NEK10: variants seen among roughly 807,000 people sequenced by gnomAD.
NEK10 encodes the protein NIMA related kinase 10.
NEK10 carries 122 observed loss-of-function variants against 159.8 expected under a neutral mutation model. The ratio of observed to expected loss-of-function variants is 0.76; its 90% CI spans 0.66 to 0.89. The LOEUF (loss-of-function observed/expected upper bound fraction) is 0.89, where lower values mean the gene tolerates loss of function less well. Ranked by LOEUF, NEK10 falls within the 40% of genes least tolerant of loss-of-function variation. NEK10 has a pLI of 0.00. For synonymous variants in NEK10, 466 were observed against 457.1 expected (o/e 1.02, Z -0.25); for missense variants, 1,342 against 1,323.1 (o/e 1.01, Z -0.22).
chr3:27,252,172 G>C (rs1290422511), intron 23 of NEK10: 1 of 491,960 alleles, frequency 2.0e-6, no homozygotes, highest in African/African-American at 1.9e-5. Flanking sequence ...GTGTGTAGTG[G>C]AGAGACACAC....
At chr3:27,209,973 G>A (rs1004819119) in intron 23 of NEK10, among the ~76,000 whole-genome samples, 2 of 114,914 alleles carry the variant, frequency 1.7e-5, no homozygotes, top group African/African-American at 3.4e-5. Flanking sequence ...ACTCCTATCC[G>A]AATCCAGGAA....
Position 27,170,782 on chromosome 3 carries a change from T to C in NEK10, c.2831+1037A>G, listed in dbSNP as rs145828021. On this transcript the variant is annotated intron_variant, in intron 29 of 35. Coordinates refer to ENST00000691995, the MANE Select transcript of NEK10 (RefSeq NM_001394966.1). The stretch of plus-strand genomic sequence containing the variant: ...AAGTATATTTCTTCCTTAATCTGCC[T>C]TTCCCTATTTCACTAGCTTAATTTT... 6.4e-3 allele frequency among the ~76,000 whole-genome samples: 975 copies of C among 152,242 alleles called. 11 individuals carry two copies. Among genetic ancestry groups the C allele is most frequent in the African/African-American group, 0.022 (931 of 41,528 alleles).
intron 32 of NEK10, among the ~76,000 whole-genome samples, chr3:27,124,693 G>T (rs951744395): frequency 6.6e-6 from 1 of 152,204 alleles, no homozygotes; most frequent in Non-Finnish European, 1.5e-5. Context: ...GAGGTTTAAA[G>T]AATTAGCTGA....
At chr3:27,267,849 G>A (rs1008484298) in intron 22 of NEK10, among the ~76,000 whole-genome samples, 1 of 152,200 alleles carries the variant, frequency 6.6e-6, no homozygotes, top group Non-Finnish European at 1.5e-5. Context: ...AGTGAGAAAG[G>A]CATGTCCAAA....
At chr3:27,125,042 T>G (rs952893879) in intron 32 of NEK10, among the ~76,000 whole-genome samples, 1 of 152,118 alleles carries the variant, frequency 6.6e-6, no homozygotes, top group East Asian at 1.9e-4. Context: ...CTGCTCTGAA[T>G]AGACACCTAC....
chr3:27,201,244 A>G (rs1373487319), intron 25 of NEK10, among the ~76,000 whole-genome samples: 1 of 152,174 alleles, frequency 6.6e-6, no homozygotes, highest in Non-Finnish European at 1.5e-5. Flanking sequence ...TTACCCACAT[A>G]TCATAATGTG....
intron 26 of NEK10, among the ~76,000 whole-genome samples, chr3:27,178,665 A>G (rs1247627237): frequency 2.0e-5 from 3 of 152,216 alleles, no homozygotes; most frequent in Non-Finnish European, 4.4e-5. Flanking sequence ...ACTGCATACT[A>G]TTGTAAATAA....
chr3:27,224,859 TC>T (rs1952463521), intron 23 of NEK10, among the ~76,000 whole-genome samples: 2 of 152,170 alleles, frequency 1.3e-5, no homozygotes, highest in Non-Finnish European at 2.9e-5. Context: ...TTAGACAATA[TC>T]TGAAAAGCAC....
At chr3:27,193,593 A>G (rs1320416375) in intron 25 of NEK10, among the ~76,000 whole-genome samples, 2 of 109,966 alleles carry the variant, frequency 1.8e-5, no homozygotes, top group Non-Finnish European at 3.7e-5. Context: ...TTTATTCCAT[A>G]TGCTTGATTT....
At chr3:27,158,776 A>T (rs991307390) in intron 30 of NEK10, among the ~76,000 whole-genome samples, 1 of 152,180 alleles carries the variant, frequency 6.6e-6, no homozygotes, top group South Asian at 2.1e-4. Context: ...TTTAGGTTTG[A>T]CTTACACACC....
At position 27,117,950 on chromosome 3, in the gene NEK10, G is replaced by A. The variant is rs1940723221; in HGVS notation, c.3190+1810C>T. Among the ~76,000 whole-genome samples, 3 of 152,160 alleles carry A rather than the reference G, an allele frequency of 2.0e-5. No homozygotes were observed. The South Asian group carries it at 6.2e-4, about 32-fold the overall frequency. On this transcript the variant is annotated intron_variant, in intron 33 of 35. Transcript: ENST00000691995. ...TTCTTCTAGGGTTTTTATAATTTTG[G>A]GTTTTACATTTAAGTCTTTAATCCA...
At chr3:27,360,170 A>G (rs1009760353) in intron 1 of NEK10, among the ~76,000 whole-genome samples, 5 of 152,184 alleles carry the variant, frequency 3.3e-5, no homozygotes, top group African/African-American at 1.2e-4. Flanking sequence ...TTGTTCTTCA[A>G]TGGGAACTAT....
At chr3:27,165,719 C>G (rs1204643219) in intron 29 of NEK10, among the ~76,000 whole-genome samples, 1 of 152,134 alleles carries the variant, frequency 6.6e-6, no homozygotes, top group Admixed American at 6.5e-5. Context: ...AACTGAAGTG[C>G]TGAAAATGAG....
chr3:27,340,147 C>T (rs2047099460), intron 5 of NEK10, among the ~76,000 whole-genome samples: 1 of 152,144 alleles, frequency 6.6e-6, no homozygotes, highest in Admixed American at 6.5e-5. Flanking sequence ...GAAGATGTGG[C>T]ACATATACAC....
intron 10 of NEK10, among the ~76,000 whole-genome samples, chr3:27,308,525 G>A (rs2044422047): frequency 6.6e-6 from 1 of 152,138 alleles, no homozygotes; most frequent in African/African-American, 2.4e-5. Context: ...ACATTTATAA[G>A]AGGAAAGATC....
At chr3:27,260,565 G>A (rs2040317611) in intron 22 of NEK10, among the ~76,000 whole-genome samples, 3 of 152,220 alleles carry the variant, frequency 2.0e-5, no homozygotes, top group Non-Finnish European at 4.4e-5. Flanking sequence ...TCCCAGGGAT[G>A]AAGCCCACTT....
intron 5 of NEK10, among the ~76,000 whole-genome samples, chr3:27,333,416 G>A (rs2046567750): frequency 6.6e-6 from 1 of 151,950 alleles, no homozygotes; most frequent in South Asian, 2.1e-4. Context: ...TGTGGTGGCA[G>A]GCACCTGTAA....
intron 30 of NEK10, among the ~76,000 whole-genome samples, chr3:27,155,665 T>A (rs1369725754): frequency 7.9e-5 from 12 of 151,846 alleles, no homozygotes; most frequent in African/African-American, 2.2e-4. Flanking sequence ...TGGAAACACA[T>A]CCCATGCTCA....
intron 1 of NEK10, among the ~76,000 whole-genome samples, chr3:27,353,574 A>G (rs1460298301): frequency 2.6e-5 from 4 of 152,166 alleles, no homozygotes; most frequent in Admixed American, 6.6e-5. Flanking sequence ...GATTTTCCCA[A>G]TATATTTGTC....
Sources: allele counts gnomAD v4.1 joint callset (sites outside exome capture counted in the v4.1 genomes callset), GRCh38; gene constraint gnomAD v4.1.1; transcripts MANE v1.5; gene names NCBI Gene and HGNC (gene_info 2026-07-23, HGNC 2026-07-21).